Variants in ROBO1 observed in about 807,000 individuals in gnomAD.
ROBO1 encodes roundabout guidance receptor 1.
In ROBO1, 149 loss-of-function variants were observed where a neutral mutation model predicts 195.9. The ratio of observed to expected loss-of-function variants is 0.76; its 90% CI spans 0.67 to 0.87. The LOEUF (loss-of-function observed/expected upper bound fraction) is 0.87, where lower values mean the gene tolerates loss of function less well. Ranked by LOEUF, ROBO1 falls within the 40% of genes least tolerant of loss-of-function variation. The pLI, the probability that ROBO1 is intolerant of heterozygous loss-of-function variation, is 0.00. For synonymous variants in ROBO1, 816 were observed against 733.2 expected (o/e 1.11, Z -1.82); for missense variants, 1,933 against 2,068.3 (o/e 0.93, Z 1.27).
intron 3 of ROBO1, among the ~76,000 whole-genome samples, chr3:79,029,663 G>A (rs1448767803): frequency 2.6e-5 from 4 of 152,152 alleles, no homozygotes; most frequent in Non-Finnish European, 5.9e-5. Context: ...ATTAAAGCAC[G>A]AGAACACAGT....
intron 1 of ROBO1, among the ~76,000 whole-genome samples, chr3:79,741,234 T>C (rs1703635108): frequency 6.6e-6 from 1 of 152,196 alleles, no homozygotes; most frequent in African/African-American, 2.4e-5. Flanking sequence ...CAGCCAACCA[T>C]TAGCCATGGA....
chr3:78,607,953 A>G (rs1703563731), intron 28 of ROBO1, among the ~76,000 whole-genome samples: 1 of 151,846 alleles, frequency 6.6e-6, no homozygotes, highest in Admixed American at 6.6e-5. Context: ...GCATCTCACC[A>G]TTGTGTTTAC....
At position 79,252,953 on chromosome 3, in the gene ROBO1, A is replaced by C. The variant is rs933655953; in HGVS notation, c.89-127414T>G. Reference sequence around the variant, plus strand: ...TCTCCTGAACCCATTGGACCATAAAACTGGCCTACATGAATCAGCTGGCCT... The same window carrying C: ...TCTCCTGAACCCATTGGACCATAAACCTGGCCTACATGAATCAGCTGGCCT... On this transcript the variant is annotated intron_variant, in intron 2 of 30. Coordinates refer to ENST00000464233, the MANE Select transcript of ROBO1 (RefSeq NM_002941.4). 3.9e-5 allele frequency among the ~76,000 whole-genome samples: 6 copies of C among 152,150 alleles called. No homozygotes were observed. The South Asian group carries it at 1.2e-3, about 31-fold the overall frequency.
rs1560121915 is a variant in ROBO1, at chr3:79,711,932, T to TATGAACGGGGGG, written c.-51+55819_-51+55820insCCCCCCGTTCAT. On this transcript the variant is annotated intron_variant, in intron 1 of 30. Transcript: ENST00000464233. ...AATTTGTGGGGGATGGGCGGGTGGG[T>TATGAACGGGGGG]GGGGGAGCACTATGAACTTTGCCCG... 1.1e-3 allele frequency among the ~76,000 whole-genome samples: 145 copies of TATGAACGGGGGG among 129,166 alleles called. 2 individuals are homozygous for TATGAACGGGGGG. The highest frequency in any genetic ancestry group is 4.0e-3 in the African/African-American group (135 of 33,504). The allele number at this position is 129,166 out of a possible 152,430, so 84.7% of individuals were successfully genotyped here.
At chr3:79,621,257 C>T (rs780356237) in intron 1 of ROBO1, among the ~76,000 whole-genome samples, 1 of 152,176 alleles carries the variant, frequency 6.6e-6, no homozygotes, top group Non-Finnish European at 1.5e-5. Context: ...CCCCTGCCCA[C>T]AACAGAAAAA....
intron 9 of ROBO1, among the ~76,000 whole-genome samples, chr3:78,688,089 A>G (rs948829209): frequency 6.6e-6 from 1 of 152,224 alleles, no homozygotes; most frequent in Admixed American, 6.5e-5. Context: ...ATATATATAA[A>G]AACTTGAAGT....
chr3:79,270,839 TA>T (rs1371033214), intron 2 of ROBO1, among the ~76,000 whole-genome samples: 1 of 151,972 alleles, frequency 6.6e-6, no homozygotes, highest in East Asian at 1.9e-4. Context: ...GCTTGACAAA[TA>T]GTTGAATTGT....
At chr3:78,761,972 A>G (rs1011431095) in intron 4 of ROBO1, among the ~76,000 whole-genome samples, 1 of 152,128 alleles carries the variant, frequency 6.6e-6, no homozygotes, top group Non-Finnish European at 1.5e-5. Flanking sequence ...AGGTGTTTTT[A>G]GCTTTAATAA....
At position 79,408,276 on chromosome 3, in the gene ROBO1, G is replaced by A. The variant is rs1057223446; in HGVS notation, c.88+181548C>T. ...ATTTGGGAGAAGCCTCCAAAAGAACGCAGAAATAAGCAGAGATTACATATA... is the reference window on the plus strand; with the variant it reads ...ATTTGGGAGAAGCCTCCAAAAGAACACAGAAATAAGCAGAGATTACATATA... On this transcript the variant is annotated intron_variant, in intron 2 of 30. Coordinates refer to ENST00000464233, the MANE Select transcript of ROBO1 (RefSeq NM_002941.4). Among the ~76,000 whole-genome samples, 29 of 151,550 alleles carry A rather than the reference G, an allele frequency of 1.9e-4. 1 individual carries two copies. The highest frequency in any genetic ancestry group is 6.6e-4 in the Admixed American group (10 of 15,180).
intron 2 of ROBO1, among the ~76,000 whole-genome samples, chr3:79,542,375 G>A (rs9842315): frequency 0.57 from 86,812 of 151,748 alleles, 24,960 homozygotes; most frequent in Non-Finnish European, 0.6. Context: ...TTTCCAGGTT[G>A]TAAAATTATG....
chr3:78,829,640 C>A (rs1305343167), intron 4 of ROBO1, among the ~76,000 whole-genome samples: 1 of 152,124 alleles, frequency 6.6e-6, no homozygotes, highest in Non-Finnish European at 1.5e-5. Context: ...AATGATTTCC[C>A]CCTCTACTGT....
chr3:78,777,677 T>C (rs978635288), intron 4 of ROBO1, among the ~76,000 whole-genome samples: 1 of 152,170 alleles, frequency 6.6e-6, no homozygotes, highest in Non-Finnish European at 1.5e-5. Flanking sequence ...TTGGCTTACT[T>C]TGTATTATAA....
chr3:79,285,541 G>A (rs1559790862), intron 2 of ROBO1, among the ~76,000 whole-genome samples: 1 of 152,174 alleles, frequency 6.6e-6, no homozygotes. Context: ...GTATCCAGAG[G>A]CACGAAAGAA....
intron 1 of ROBO1, among the ~76,000 whole-genome samples, chr3:79,689,030 C>G (rs1947222458): frequency 1.3e-5 from 2 of 151,862 alleles, no homozygotes. Context: ...TTAACATTGT[C>G]AAGTTTCAAT....
chr3:79,203,515 T>C (rs977602704), intron 2 of ROBO1, among the ~76,000 whole-genome samples: 1 of 152,174 alleles, frequency 6.6e-6, no homozygotes, highest in African/African-American at 2.4e-5. Flanking sequence ...GCAAACTCCT[T>C]GAAATTTGAG....
chr3:79,449,371 T>C (rs890095967), intron 2 of ROBO1, among the ~76,000 whole-genome samples: 4 of 152,150 alleles, frequency 2.6e-5, no homozygotes, highest in Non-Finnish European at 5.9e-5. Flanking sequence ...TTCTCTGATT[T>C]ATAAAATAAT....
chr3:79,414,999 G>A (rs2037938572), intron 2 of ROBO1, among the ~76,000 whole-genome samples: 1 of 152,124 alleles, frequency 6.6e-6, no homozygotes, highest in Non-Finnish European at 1.5e-5. Context: ...GTCCCACTTG[G>A]CTGTGCAAAC....
In ROBO1 at chr3:78,798,315, T is replaced by C. The variant is rs148650142; in HGVS notation, c.500-51415A>G. Among the ~76,000 whole-genome samples the C allele has an allele frequency of 4.1e-3, 631 of 152,320 alleles. 4 individuals are homozygous for C. The highest frequency in any genetic ancestry group is 0.014 in the African/African-American group (587 of 41,582). On this transcript the variant is annotated intron_variant, in intron 4 of 30. Coordinates refer to ENST00000464233, the MANE Select transcript of ROBO1 (RefSeq NM_002941.4). ...GCTAATTAATAAGCCCTGCATATAA[T>C]ATTTTCACTGAAGTGTCAAATAAGC...
intron 2 of ROBO1, among the ~76,000 whole-genome samples, chr3:79,195,405 T>C (rs1352867722): frequency 2.0e-5 from 3 of 151,588 alleles, no homozygotes; most frequent in Admixed American, 6.6e-5. Context: ...TAAGTGGCAA[T>C]TGGCAAATAT....
Sources: allele counts gnomAD v4.1 joint callset (sites outside exome capture counted in the v4.1 genomes callset), GRCh38; gene constraint gnomAD v4.1.1; transcripts MANE v1.5; gene names NCBI Gene and HGNC (gene_info 2026-07-23, HGNC 2026-07-21).